NLRP5: variants seen among roughly 807,000 people sequenced by gnomAD.
The protein encoded by NLRP5 is NLR family pyrin domain containing 5.
A neutral mutation model predicts 113.1 loss-of-function variants in NLRP5; 93 were observed. The observed-to-expected ratio is 0.82, with a 90% CI of 0.70 to 0.98. NLRP5 has a LOEUF of 0.98. NLRP5 is among the 50% of genes least tolerant of loss of function. NLRP5 has a pLI of 0.00. For synonymous variants in NLRP5, 751 were observed against 600.7 expected (o/e 1.25, Z -3.66); for missense variants, 1,808 against 1,514.3 (o/e 1.19, Z -3.22).
chr19:56,032,807 G>A (rs765598541), intron 8 of NLRP5, 26 bp downstream of exon 8: 3 of 1,583,954 alleles, frequency 1.9e-6, no homozygotes, highest in Admixed American at 1.7e-5. Flanking sequence ...CCCTACGAGA[G>A]AATCCCTTCC....
Position 56,038,056 on chromosome 19 carries a change from T to A in NLRP5, c.2647T>A (p.Tyr883Asn). 6.2e-7 allele frequency: 1 copy of A among 1,614,002 alleles called. No homozygotes were observed. The change falls in exon 10 of 15, where the codon TAC (tyrosine) becomes AAC (asparagine). Residue 883 changes from tyrosine (Y) to asparagine (N), a missense_variant. Physicochemically the swap from Tyr to Asn is moderately radical, Grantham distance 143 (BLOSUM62 -2). Transcript: ENST00000390649. Reference sequence around the variant, plus strand: ...TTGCTGTGGATTGACCCATGCCTGTTACCTGAAGATCTCCCAAATCCTTAC... The same window carrying A: ...TTGCTGTGGATTGACCCATGCCTGTAACCTGAAGATCTCCCAAATCCTTAC...
At chr19:56,055,404 C>T (rs191753330) in intron 13 of NLRP5, among the ~76,000 whole-genome samples, 27 of 151,968 alleles carry the variant, frequency 1.8e-4, no homozygotes, top group Non-Finnish European at 3.2e-4. Context: ...AGTTCCTCTT[C>T]GATCTAGCTT....
intron 10 of NLRP5, 141 bp from the exon 11 acceptor site, chr19:56,040,781 A>G (rs1983492045): frequency 3.1e-6 from 2 of 646,692 alleles, no homozygotes; most frequent in Admixed American, 3.0e-5. Flanking sequence ...TTAAAGGCAG[A>G]GAGGATGCGA....
chr19:56,010,871 G>A (rs1320050467), intron 3 of NLRP5, among the ~76,000 whole-genome samples: 1 of 151,760 alleles, frequency 6.6e-6, no homozygotes, highest in East Asian at 1.9e-4. Context: ...GAATGATGTG[G>A]CTGGACACAG....
chr19:56,001,527 A>G (rs949899267), intron 1 of NLRP5, among the ~76,000 whole-genome samples: 1 of 152,038 alleles, frequency 6.6e-6, no homozygotes, highest in Non-Finnish European at 1.5e-5. Flanking sequence ...AAACTTTCCC[A>G]TGGAAAGAAT....
rs527652820 is a variant in NLRP5 at position 56,039,838 on chromosome 19, C to T, written c.2787-1084C>T. Among the ~76,000 whole-genome samples the T allele has an allele frequency of 1.8e-3, 274 of 152,150 alleles. 2 individuals carry two copies. Among genetic ancestry groups the T allele is most frequent in the Non-Finnish European group, 1.6e-3 (109 of 68,000 alleles). On this transcript the variant is annotated intron_variant, in intron 10 of 14. Transcript: ENST00000390649. ...CTGAGGCAGGAGACTCACTTAAACCCGGGAGGCGTAGGTTGTGGTGAGCCA... is the reference window on the plus strand; with the variant it reads ...CTGAGGCAGGAGACTCACTTAAACCTGGGAGGCGTAGGTTGTGGTGAGCCA...
intron 2 of NLRP5, among the ~76,000 whole-genome samples, chr19:56,005,111 T>A (rs58287743): frequency 0.048 from 4,153 of 86,108 alleles, 256 homozygotes; most frequent in East Asian, 0.21. Context: ...AAAAAAAATA[T>A]ATATATATAT....
rs1353816409 is a variant in NLRP5, at chr19:56,061,676, TCTG to T, written c.*149_*151del. ...CAAAGCCCTCAATGGTAGTGATTCT[TCTG>T]TGTTCACTCTACGTTGGTTACTGGA... is the stretch of plus-strand genomic sequence containing the variant. On this transcript the variant is annotated 3_prime_UTR_variant, in exon 15 of 15. Coordinates refer to ENST00000390649, the MANE Select transcript of NLRP5 (RefSeq NM_153447.4). 1 of 884,868 alleles carries T rather than the reference TCTG, an allele frequency of 1.1e-6. No individual in the cohort carries two copies. Among genetic ancestry groups the T allele is most frequent in the Non-Finnish European group, 1.8e-6 (1 of 563,064 alleles). The allele number at this position is 884,868 out of a possible 1,614,324, so 54.8% of individuals were successfully genotyped here. A position where few individuals can be genotyped will look rare whatever the true frequency, so the allele number is the denominator to read the frequency against.
chr19:55,998,090 G>T (rs1221778745), upstream of NLRP5, among the ~76,000 whole-genome samples: 1 of 152,134 alleles, frequency 6.6e-6, no homozygotes, highest in Non-Finnish European at 1.5e-5. Flanking sequence ...TGGAGGGTAG[G>T]TAGGTTAATG....
intron 2 of NLRP5, among the ~76,000 whole-genome samples, chr19:56,008,158 G>A (rs1033238408): frequency 6.6e-6 from 1 of 151,552 alleles, no homozygotes; most frequent in Non-Finnish European, 1.5e-5. Flanking sequence ...TCGATCTCCT[G>A]ACCTCGTGAT....
intron 9 of NLRP5, among the ~76,000 whole-genome samples, chr19:56,035,218 C>T (rs774680426): frequency 6.6e-6 from 1 of 152,136 alleles, no homozygotes; most frequent in African/African-American, 2.4e-5. Flanking sequence ...TATTCTGAGA[C>T]AGACAAGTAC....
chr19:56,044,764 G>A (rs1355212237), intron 11 of NLRP5, among the ~76,000 whole-genome samples: 6 of 152,120 alleles, frequency 3.9e-5, no homozygotes, highest in Non-Finnish European at 8.8e-5. Flanking sequence ...TATTTTGATG[G>A]GGATTGCGTT....
intron 3 of NLRP5, among the ~76,000 whole-genome samples, chr19:56,011,510 C>T (rs1046068933): frequency 3.3e-5 from 5 of 152,016 alleles, no homozygotes; most frequent in African/African-American, 1.2e-4. Flanking sequence ...AAATCTATTA[C>T]AAAACTCTAG....
At chr19:56,042,315 A>G (rs545794236) in intron 11 of NLRP5, among the ~76,000 whole-genome samples, 3 of 152,226 alleles carry the variant, frequency 2.0e-5, no homozygotes, top group Non-Finnish European at 4.4e-5. Context: ...TCCAAAAGTT[A>G]TTGGGGTACA....
At chr19:56,053,902 T>C (rs1984029882) in intron 13 of NLRP5, 94 bp downstream of exon 13, 1 of 1,160,980 alleles carries the variant, frequency 8.6e-7, no homozygotes, top group African/African-American at 1.5e-5. Context: ...GATGATCTGG[T>C]TTCCATGAGT....
intron 11 of NLRP5, among the ~76,000 whole-genome samples, chr19:56,046,410 G>GTGTGTGTGTGTGTGTGTGTGTGTGTT (rs1335038061): frequency 2.0e-5 from 3 of 150,210 alleles, no homozygotes; most frequent in Non-Finnish European, 4.4e-5. Flanking sequence ...GTGTGTGTGT[G>GTGTGTGTGTGTGTGTGTGTGTGTGTT]TGTGTGTGTG....
chr19:55,989,881 A>G, the NLRP5 span, among the ~76,000 whole-genome samples: 1 of 152,092 alleles, frequency 6.6e-6, no homozygotes, highest in South Asian at 2.1e-4. Flanking sequence ...GTCCAAAAAG[A>G]TGGCACCCAT....
chr19:56,019,919 C>A (rs1209026252), intron 5 of NLRP5, among the ~76,000 whole-genome samples: 1 of 151,460 alleles, frequency 6.6e-6, no homozygotes, highest in Non-Finnish European at 1.5e-5. Context: ...TCAGTGCAAC[C>A]TCTGCCTCCC....
intron 2 of NLRP5, among the ~76,000 whole-genome samples, chr19:56,008,485 T>C (rs901109893): frequency 2.6e-5 from 4 of 152,122 alleles, no homozygotes; most frequent in African/African-American, 9.7e-5. Flanking sequence ...AGACAGGTCT[T>C]GAGGAGGACT....
Sources: allele counts gnomAD v4.1 joint callset (sites outside exome capture counted in the v4.1 genomes callset), GRCh38; gene constraint gnomAD v4.1.1; transcripts MANE v1.5; gene names NCBI Gene and HGNC (gene_info 2026-07-23, HGNC 2026-07-21).